PPP4R4: variants seen among roughly 807,000 people sequenced by gnomAD.
PPP4R4 encodes the protein serine/threonine-protein phosphatase 4 regulatory subunit 4.
PPP4R4 carries 70 observed loss-of-function variants against 121.8 expected under a neutral mutation model. That is an observed-to-expected ratio of 0.57 (90% CI 0.47 to 0.70). PPP4R4 has a LOEUF of 0.70. PPP4R4 is among the 30% of genes least tolerant of loss of function. The probability of loss-of-function intolerance (pLI) is 0.00; values close to 1 mark genes in which losing one functional copy is unlikely to be tolerated. For synonymous variants in PPP4R4, 348 were observed against 355.7 expected, an observed-to-expected ratio of 0.98 and a Z score of 0.24; for missense variants, 875 against 1,033.6, an observed-to-expected ratio of 0.85 and a Z score of 2.10.
chr14:94,233,014 C>G (rs938894263), intron 5 of PPP4R4, among the ~76,000 whole-genome samples: 1 of 151,364 alleles, frequency 6.6e-6, no homozygotes, highest in Admixed American at 6.6e-5. Flanking sequence ...GCCGAGATCG[C>G]GCCACTGCAC....
At chr14:94,221,334 A>G (rs560654829) in intron 3 of PPP4R4, among the ~76,000 whole-genome samples, 2 of 152,308 alleles carry the variant, frequency 1.3e-5, no homozygotes, top group East Asian at 1.9e-4. Flanking sequence ...ATATGACTCT[A>G]GAAGCATGAT....
intron 3 of PPP4R4, among the ~76,000 whole-genome samples, chr14:94,218,471 GCA>G (rs1266398657): frequency 7.9e-5 from 4 of 50,814 alleles, no homozygotes; most frequent in East Asian, 7.6e-4. Context: ...CCGCACGCGC[GCA>G]CACACACACC....
At chr14:94,185,866 A>G (rs1303178300) in intron 2 of PPP4R4, among the ~76,000 whole-genome samples, 2 of 152,210 alleles carry the variant, frequency 1.3e-5, no homozygotes, top group African/African-American at 4.8e-5. Context: ...AGTTTTGACA[A>G]ATGGGTACAC....
At chr14:94,183,228 G>A (rs927789755) in intron 2 of PPP4R4, among the ~76,000 whole-genome samples, 3 of 152,134 alleles carry the variant, frequency 2.0e-5, no homozygotes, top group Non-Finnish European at 4.4e-5. Context: ...CTCAGTCCCT[G>A]TGCTTTTAAT....
intron 3 of PPP4R4, among the ~76,000 whole-genome samples, chr14:94,228,418 C>G (rs1891836799): frequency 6.6e-6 from 1 of 152,160 alleles, no homozygotes; most frequent in African/African-American, 2.4e-5. Flanking sequence ...GTAGAAATCC[C>G]TGTGTTATCC....
rs754089886 is a variant in PPP4R4, at chr14:94,265,557, G to A, written c.2284+84G>A. 4.3e-4 allele frequency: 496 copies of A among 1,161,216 alleles called. 2 individuals carry two copies. Among genetic ancestry groups the A allele is most frequent in the South Asian group, 1.7e-3 (128 of 75,608 alleles). The allele number at this position is 1,161,216 out of a possible 1,614,324, so 71.9% of individuals were successfully genotyped here. ...CTGGGAAAGTCACTCTATTAGATGA[G>A]ATACAGTAGGATAATATATCTCATT... On this transcript the variant is annotated intron_variant, in intron 21 of 24. Coordinates refer to ENST00000304338, the MANE Select transcript of PPP4R4 (RefSeq NM_058237.2).
At chr14:94,268,653 G>A (rs1894163482) in intron 23 of PPP4R4, among the ~76,000 whole-genome samples, 1 of 152,120 alleles carries the variant, frequency 6.6e-6, no homozygotes, top group African/African-American at 2.4e-5. Context: ...CGGCTGGGGA[G>A]GCCTCACAAT....
At chr14:94,237,494 A>G in intron 7 of PPP4R4, 71 bp from the exon 8 acceptor site, 1 of 1,424,334 alleles carries the variant, frequency 7.0e-7, no homozygotes, top group African/African-American at 1.4e-5. Flanking sequence ...TAGCCCAGTC[A>G]CTGGTTTTTA....
intron 11 of PPP4R4, among the ~76,000 whole-genome samples, chr14:94,244,063 G>A (rs1005892800): frequency 2.4e-4 from 36 of 151,822 alleles, no homozygotes; most frequent in Non-Finnish European, 5.3e-4. Flanking sequence ...CACCATTGTG[G>A]GCTCCGAGTT....
At chr14:94,209,419 T>C (rs891068513) in intron 3 of PPP4R4, among the ~76,000 whole-genome samples, 1 of 152,096 alleles carries the variant, frequency 6.6e-6, no homozygotes, top group African/African-American at 2.4e-5. Context: ...CCTTGAGTTT[T>C]ATTTTTAGGC....
chr14:94,269,793 T>C (rs944090182), intron 23 of PPP4R4, among the ~76,000 whole-genome samples: 7 of 152,224 alleles, frequency 4.6e-5, no homozygotes, highest in African/African-American at 1.7e-4. Flanking sequence ...TGGGGACTTA[T>C]GCCTGTCTTC....
In PPP4R4 at chr14:94,254,103, T is replaced by C. The variant is rs370185436; in HGVS notation, c.1865+2207T>C. ...TGAGGTACAAATAACTGAGATAATATACATAAATTATCTGAAAGGTGTGGT... is the reference window on the plus strand; with the variant it reads ...TGAGGTACAAATAACTGAGATAATACACATAAATTATCTGAAAGGTGTGGT... On this transcript the variant is annotated intron_variant, in intron 16 of 24. Transcript: ENST00000304338. Among the ~76,000 whole-genome samples, 24 of 152,318 alleles carry C rather than the reference T, an allele frequency of 1.6e-4. No individual in the cohort carries two copies. In the East Asian group the frequency reaches 4.0e-3, roughly 26 times the overall value.
At chr14:94,240,299 G>A (rs1892559550) in intron 8 of PPP4R4, among the ~76,000 whole-genome samples, 1 of 152,146 alleles carries the variant, frequency 6.6e-6, no homozygotes, top group Admixed American at 6.5e-5. Context: ...GTGTAAAAGA[G>A]AATAAGAAAA....
intron 23 of PPP4R4, among the ~76,000 whole-genome samples, chr14:94,273,313 A>G (rs1336545696): frequency 6.6e-6 from 1 of 152,204 alleles, no homozygotes; most frequent in Non-Finnish European, 1.5e-5. Context: ...GAAATGAGCT[A>G]TCAGGCCATG....
At chr14:94,267,170 T>G in intron 23 of PPP4R4, 141 bp downstream of exon 23, 1 of 562,190 alleles carries the variant, frequency 1.8e-6, no homozygotes, top group East Asian at 3.1e-5. Context: ...ATTAAACTTT[T>G]GTCTAGCAAT....
At chr14:94,239,244 G>A (rs1595511707) in intron 8 of PPP4R4, among the ~76,000 whole-genome samples, 1 of 149,080 alleles carries the variant, frequency 6.7e-6, no homozygotes, top group Non-Finnish European at 1.5e-5. Context: ...ACATGGGCAC[G>A]ACGTGCAGGT....
At chr14:94,199,121 A>T (rs1418597212) in intron 2 of PPP4R4, among the ~76,000 whole-genome samples, 1 of 152,242 alleles carries the variant, frequency 6.6e-6, no homozygotes, top group East Asian at 1.9e-4. Context: ...TGAGATTGAC[A>T]TCTTAACAGT....
At chr14:94,245,114 C>A (rs1431377945) in intron 12 of PPP4R4, among the ~76,000 whole-genome samples, 3 of 151,862 alleles carry the variant, frequency 2.0e-5, no homozygotes, top group Admixed American at 2.0e-4. Context: ...GTTTCTCTTG[C>A]CATTGTGTAG....
chr14:94,263,333 T>C (rs1893877860), intron 19 of PPP4R4, among the ~76,000 whole-genome samples: 1 of 152,172 alleles, frequency 6.6e-6, no homozygotes, highest in African/African-American at 2.4e-5. Context: ...TGCTACTCAG[T>C]GTGAATAATT....
Sources: allele counts gnomAD v4.1 joint callset (sites outside exome capture counted in the v4.1 genomes callset), GRCh38; gene constraint gnomAD v4.1.1; transcripts MANE v1.5; gene names NCBI Gene and HGNC (gene_info 2026-07-23, HGNC 2026-07-21).